PKN2: variants seen among roughly 807,000 people sequenced by gnomAD.
The protein encoded by PKN2 is serine/threonine-protein kinase N2.
In PKN2, 38 loss-of-function variants were observed where a neutral mutation model predicts 119.1. The ratio of observed to expected loss-of-function variants is 0.32; its 90% CI spans 0.25 to 0.42. The LOEUF (loss-of-function observed/expected upper bound fraction) is 0.42. Ranked by LOEUF, PKN2 falls within the 10% of genes least tolerant of loss-of-function variation. The probability of loss-of-function intolerance (pLI) is 1.00; values close to 1 mark genes in which losing one functional copy is unlikely to be tolerated. For synonymous variants in PKN2, 390 were observed against 384.9 expected (o/e 1.01, Z -0.15); for missense variants, 850 against 1,165.1 (o/e 0.73, Z 3.94).
chr1:88,830,640 A>T (rs1672690424), intron 19 of PKN2, among the ~76,000 whole-genome samples: 1 of 152,000 alleles, frequency 6.6e-6, no homozygotes, highest in East Asian at 1.9e-4. Flanking sequence ...AGTTGAATCT[A>T]CTCCCTCCTA....
chr1:88,732,551 T>C (rs774654331), intron 1 of PKN2, among the ~76,000 whole-genome samples: 1 of 152,200 alleles, frequency 6.6e-6, no homozygotes, highest in Non-Finnish European at 1.5e-5. Flanking sequence ...TTTTCTAAAG[T>C]TGGTTTAAAG....
At chr1:88,798,532 T>C (rs971005455) in intron 8 of PKN2, among the ~76,000 whole-genome samples, 5 of 152,026 alleles carry the variant, frequency 3.3e-5, no homozygotes, top group Non-Finnish European at 5.9e-5. Flanking sequence ...ATAGGAAATA[T>C]AACTTCTGAA....
intron 3 of PKN2, among the ~76,000 whole-genome samples, chr1:88,765,132 T>G (rs1191766502): frequency 6.6e-6 from 1 of 152,108 alleles, no homozygotes; most frequent in Non-Finnish European, 1.5e-5. Flanking sequence ...TTTCGCCATG[T>G]TGGCCAGGCT....
Position 88,777,731 on chromosome 1 carries a change from C to G in PKN2, c.985+5852C>G, listed in dbSNP as rs113132150. On this transcript the variant is annotated intron_variant, in intron 6 of 21. Coordinates refer to ENST00000370521, the MANE Select transcript of PKN2 (RefSeq NM_006256.4). The stretch of plus-strand genomic sequence containing the variant: ...GGCATTCTAAAGTAAACCTGAAACA[C>G]TAGTTCAGGTCGTGCTGGGAATGGG... 4.5e-3 allele frequency among the ~76,000 whole-genome samples: 681 copies of G among 152,298 alleles called. 1 individual carries two copies. The highest frequency in any genetic ancestry group is 7.4e-3 in the Non-Finnish European group (506 of 68,030).
intron 10 of PKN2, 78 bp from the exon 11 acceptor site, chr1:88,805,419 A>G: frequency 8.0e-7 from 1 of 1,253,654 alleles, no homozygotes; most frequent in Non-Finnish European, 1.1e-6. Context: ...AAACTAATGG[A>G]TAAGAATTTT....
chr1:88,691,204 T>C (rs67397832), intron 1 of PKN2, among the ~76,000 whole-genome samples: 11,437 of 151,836 alleles, frequency 0.075, 899 homozygotes, highest in African/African-American at 0.2. Flanking sequence ...GCTGGTACTA[T>C]AGGTGTGAGC....
At chr1:88,789,001 T>C (rs1670698112) in intron 8 of PKN2, among the ~76,000 whole-genome samples, 1 of 152,192 alleles carries the variant, frequency 6.6e-6, no homozygotes, top group Non-Finnish European at 1.5e-5. Flanking sequence ...GTAGTAGAAG[T>C]TCTTTATCAA....
intron 1 of PKN2, among the ~76,000 whole-genome samples, chr1:88,735,598 G>GCCC (rs1192390039): frequency 4.2e-3 from 50 of 12,028 alleles, no homozygotes; most frequent in Non-Finnish European, 5.5e-3. Flanking sequence ...TTGGTTGACA[G>GCCC]CCCACCCCCC....
At chr1:88,703,376 G>A (rs942450152) in intron 1 of PKN2, among the ~76,000 whole-genome samples, 6 of 152,076 alleles carry the variant, frequency 3.9e-5, no homozygotes, top group Non-Finnish European at 5.9e-5. Flanking sequence ...AACAACTTCC[G>A]TATATCAGAC....
chr1:88,823,938 G>A (rs1483747439), intron 17 of PKN2, among the ~76,000 whole-genome samples: 2 of 147,138 alleles, frequency 1.4e-5, no homozygotes, highest in African/African-American at 2.5e-5. Context: ...GTACCCGGGA[G>A]GCAGAGGTTG....
intron 1 of PKN2, among the ~76,000 whole-genome samples, chr1:88,725,599 A>G (rs1365291906): frequency 6.6e-6 from 1 of 152,134 alleles, no homozygotes; most frequent in African/African-American, 2.4e-5. Flanking sequence ...TTGTTTCATT[A>G]CTGTTGAGTA....
chr1:88,804,945 T>C (rs1297157914), intron 10 of PKN2, 24 bp downstream of exon 10: 5 of 1,062,402 alleles, frequency 4.7e-6, no homozygotes, highest in African/African-American at 1.6e-5. Flanking sequence ...ATCAAATGCA[T>C]AGCATTTTGA....
chr1:88,753,455 A>G lies in PKN2; in HGVS notation c.350-6767A>G, dbSNP rs564264984. ...CATTGTTGAAAGATATTTTCGTTGG[A>G]TATATACAATCTTTATTAGTCTATT... On this transcript the variant is annotated intron_variant, in intron 2 of 21. Transcript: ENST00000370521. 2.4e-4 allele frequency among the ~76,000 whole-genome samples: 37 copies of G among 152,212 alleles called. No homozygotes were observed. In the South Asian group the frequency reaches 7.1e-3, roughly 29 times the overall value.
At chr1:88,690,664 G>A (rs763380858) in intron 1 of PKN2, among the ~76,000 whole-genome samples, 101 of 152,214 alleles carry the variant, frequency 6.6e-4, no homozygotes, top group Middle Eastern at 3.4e-3. Context: ...TTTATCTGAT[G>A]AAATCTTGTT....
chr1:88,695,760 C>G (rs1346164319), intron 1 of PKN2, among the ~76,000 whole-genome samples: 2 of 152,114 alleles, frequency 1.3e-5, no homozygotes, highest in African/African-American at 4.8e-5. Flanking sequence ...TTTGCTTCCT[C>G]TGGAATATCA....
chr1:88,696,553 A>G (rs1466282098), intron 1 of PKN2, among the ~76,000 whole-genome samples: 2 of 152,216 alleles, frequency 1.3e-5, no homozygotes, highest in East Asian at 3.8e-4. Flanking sequence ...CATAGACCAC[A>G]GCTGACTGAC....
chr1:88,809,237 A>T (rs1473525936), intron 15 of PKN2, among the ~76,000 whole-genome samples: 1 of 152,176 alleles, frequency 6.6e-6, no homozygotes, highest in Non-Finnish European at 1.5e-5. Flanking sequence ...GATATTTATA[A>T]AATATTCTGA....
At chr1:88,748,531 G>C (rs1363055587) in intron 2 of PKN2, among the ~76,000 whole-genome samples, 1 of 152,112 alleles carries the variant, frequency 6.6e-6, no homozygotes, top group East Asian at 1.9e-4. Context: ...TATCAGTAAA[G>C]CTCCTATAAA....
chr1:88,830,804 G>T (rs1672696961), intron 19 of PKN2, among the ~76,000 whole-genome samples: 1 of 152,032 alleles, frequency 6.6e-6, no homozygotes, highest in South Asian at 2.1e-4. Flanking sequence ...TTTCTCTTTA[G>T]TATCTCCACA....
Sources: gnomAD v4.1 joint callset for allele counts (sites outside exome capture counted in the v4.1 genomes callset) on GRCh38, gnomAD v4.1.1 for gene constraint, MANE v1.5 for transcripts, NCBI Gene and HGNC (gene_info 2026-07-23, HGNC 2026-07-21) for gene names.